NEDD9: variants seen among roughly 807,000 people sequenced by gnomAD.
NEDD9 encodes the protein enhancer of filamentation 1.
NEDD9 carries 26 observed loss-of-function variants against 76.6 expected under a neutral mutation model. The ratio of observed to expected loss-of-function variants is 0.34; its 90% CI spans 0.25 to 0.47. The LOEUF (loss-of-function observed/expected upper bound fraction) is 0.47, where lower values mean the gene tolerates loss of function less well. NEDD9 is among the 20% of genes least tolerant of loss of function. NEDD9 has a pLI of 1.00. For missense variants in NEDD9, 937 were observed against 1,058.5 expected (o/e 0.89, Z 1.59); for synonymous variants, 392 against 414.2 (o/e 0.95, Z 0.65).
At chr6:11,223,416 G>A (rs895684834) in intron 1 of NEDD9, among the ~76,000 whole-genome samples, 10 of 151,454 alleles carry the variant, frequency 6.6e-5, no homozygotes, top group African/African-American at 9.7e-5. Flanking sequence ...TTATTACTGC[G>A]CCAAGATGAG....
intron 1 of NEDD9, among the ~76,000 whole-genome samples, chr6:11,360,580 A>C (rs1187307923): frequency 1.6e-5 from 2 of 124,656 alleles, no homozygotes; most frequent in African/African-American, 5.4e-5. Flanking sequence ...GTGAGAGAGC[A>C]CCTCCCTGCT....
intron 3 of NEDD9, chr6:11,251,720 A>C (rs1380382623): frequency 6.6e-6 from 1 of 152,282 alleles, no homozygotes; most frequent in East Asian, 1.9e-4. Flanking sequence ...GGGATTTAGA[A>C]TCAGAGCTAC....
intron 3 of NEDD9, among the ~76,000 whole-genome samples, chr6:11,258,334 CCTGG>C (rs1760044811): frequency 3.3e-5 from 5 of 152,168 alleles, no homozygotes; most frequent in Admixed American, 6.5e-5. Context: ...GCCCCAGCAC[CCTGG>C]CTGGCTGGCT....
At chr6:11,240,607 T>A (rs80297193) in intron 3 of NEDD9, among the ~76,000 whole-genome samples, 2,994 of 152,354 alleles carry the variant, frequency 0.02, 45 homozygotes, top group East Asian at 0.086. Context: ...GAAGTTTTGA[T>A]GTTTAGTGTT....
At chr6:11,378,513 A>G (rs934949030) in intron 1 of NEDD9, among the ~76,000 whole-genome samples, 2 of 152,194 alleles carry the variant, frequency 1.3e-5, no homozygotes, top group Admixed American at 6.5e-5. Context: ...AGAGAAGGAT[A>G]CAATTGTTTA....
At chr6:11,361,043 C>A (rs910611317) in intron 1 of NEDD9, among the ~76,000 whole-genome samples, 5 of 152,150 alleles carry the variant, frequency 3.3e-5, no homozygotes, top group Admixed American at 1.3e-4. Context: ...TTTCTTATTG[C>A]CATTTACTTT....
intron 1 of NEDD9, among the ~76,000 whole-genome samples, chr6:11,353,635 G>A (rs538155868): frequency 1.3e-5 from 2 of 152,354 alleles, no homozygotes; most frequent in South Asian, 4.1e-4. Context: ...GCAGCTCTGG[G>A]AAGCTGACAC....
intron 2 of NEDD9, among the ~76,000 whole-genome samples, chr6:11,195,032 G>A (rs553636810): frequency 1.3e-5 from 2 of 152,292 alleles, no homozygotes; most frequent in South Asian, 2.1e-4. Flanking sequence ...CTAAGAAACC[G>A]TCAACTTTTA....
chr6:11,272,042 C>T (rs1760318003), intron 3 of NEDD9, among the ~76,000 whole-genome samples: 1 of 152,212 alleles, frequency 6.6e-6, no homozygotes, highest in Non-Finnish European at 1.5e-5. Context: ...GGCCCCACCA[C>T]AGAAGAGAGC....
At chr6:11,340,172 T>C (rs1762245113) in intron 1 of NEDD9, among the ~76,000 whole-genome samples, 2 of 152,304 alleles carry the variant, frequency 1.3e-5, no homozygotes, top group East Asian at 3.9e-4. Context: ...CTTCCCTCCT[T>C]ATGCAAGAGC....
chr6:11,247,871 G>A (rs1759839028), intron 3 of NEDD9, among the ~76,000 whole-genome samples: 1 of 152,198 alleles, frequency 6.6e-6, no homozygotes. Flanking sequence ...TTTGGGGTGT[G>A]TTGGTGATGC....
At chr6:11,327,374 A>C (rs900650818) in intron 2 of NEDD9, among the ~76,000 whole-genome samples, 1 of 152,196 alleles carries the variant, frequency 6.6e-6, no homozygotes, top group Non-Finnish European at 1.5e-5. Flanking sequence ...ATAACCAGTT[A>C]TTGCACCGCG....
chr6:11,282,778 C>G (rs1760562117), intron 3 of NEDD9, among the ~76,000 whole-genome samples: 1 of 152,230 alleles, frequency 6.6e-6, no homozygotes, highest in Non-Finnish European at 1.5e-5. Context: ...ACGGCAACAG[C>G]TCCTCGCTGG....
intron 3 of NEDD9, among the ~76,000 whole-genome samples, chr6:11,274,450 TG>T (rs1760376511): frequency 1.3e-5 from 2 of 152,188 alleles, no homozygotes; most frequent in African/African-American, 4.8e-5. Flanking sequence ...AGATCAACCT[TG>T]GTTTCTCACA....
chr6:11,256,979 C>G (rs1356913123), intron 3 of NEDD9, among the ~76,000 whole-genome samples: 3 of 152,192 alleles, frequency 2.0e-5, no homozygotes, highest in Non-Finnish European at 4.4e-5. Flanking sequence ...ATTTTTCAAC[C>G]TCCAATGCTC....
At chr6:11,313,819 C>A (rs537182756) in intron 2 of NEDD9, among the ~76,000 whole-genome samples, 1 of 151,982 alleles carries the variant, frequency 6.6e-6, no homozygotes, top group African/African-American at 2.4e-5. Flanking sequence ...TTGGAAGTCA[C>A]GGTAATATTT....
intron 1 of NEDD9, chr6:11,214,234 T>G: frequency 1.9e-6 from 1 of 516,232 alleles, no homozygotes; most frequent in Non-Finnish European, 3.9e-6. Flanking sequence ...GAAGTACACA[T>G]ATATATGCCT....
chr6:11,233,088 G>A (rs573410721), upstream of NEDD9, among the ~76,000 whole-genome samples: 7 of 151,868 alleles, frequency 4.6e-5, no homozygotes, highest in East Asian at 1.2e-3. Flanking sequence ...CGAACTCCGG[G>A]AACAAAAGGT....
chr6:11,347,719 A>C (rs1762389539), intron 1 of NEDD9, among the ~76,000 whole-genome samples: 1 of 152,214 alleles, frequency 6.6e-6, no homozygotes, highest in Non-Finnish European at 1.5e-5. Flanking sequence ...AGATGAAGAA[A>C]AAGCTTTCAA....
Sources: allele counts gnomAD v4.1 joint callset (sites outside exome capture counted in the v4.1 genomes callset), GRCh38; gene constraint gnomAD v4.1.1; transcripts MANE v1.5; gene names NCBI Gene and HGNC (gene_info 2026-07-23, HGNC 2026-07-21).